The following FAM135B variants were observed in gnomAD, a reference collection of about 807,000 sequenced individuals.
FAM135B encodes the protein protein FAM135B.
FAM135B carries 43 observed loss-of-function variants against 127.7 expected under a neutral mutation model. The ratio of observed to expected loss-of-function variants is 0.34; its 90% CI spans 0.26 to 0.43. The LOEUF is 0.43. FAM135B is among the 20% of genes least tolerant of loss of function. The probability of loss-of-function intolerance (pLI) is 1.00; values close to 1 mark genes in which losing one functional copy is unlikely to be tolerated. For missense variants in FAM135B, 1,558 were observed against 1,725.6 expected, an observed-to-expected ratio of 0.90 and a Z score of 1.72; for synonymous variants, 670 against 665.1, an observed-to-expected ratio of 1.01 and a Z score of -0.11.
chr8:138,248,264 AC>A (rs1821435381), intron 6 of FAM135B, among the ~76,000 whole-genome samples: 1 of 152,214 alleles, frequency 6.6e-6, no homozygotes, highest in African/African-American at 2.4e-5. Flanking sequence ...TTCCTACCCT[AC>A]ACTGGGTTCC....
At chr8:138,421,285 C>T (rs562741540) in intron 1 of FAM135B, among the ~76,000 whole-genome samples, 4 of 152,190 alleles carry the variant, frequency 2.6e-5, no homozygotes, top group African/African-American at 9.6e-5. Flanking sequence ...TGCATTCCAG[C>T]CAGGGCAACA....
intron 2 of FAM135B, among the ~76,000 whole-genome samples, chr8:138,332,086 TAC>T (rs1828223989): frequency 1.3e-5 from 2 of 152,194 alleles, no homozygotes; most frequent in Non-Finnish European, 2.9e-5. Flanking sequence ...GGTTTGGGTT[TAC>T]ACCTGGATCA....
intron 2 of FAM135B, among the ~76,000 whole-genome samples, chr8:138,336,194 G>T (rs1828569278): frequency 6.6e-6 from 1 of 151,970 alleles, no homozygotes; most frequent in African/African-American, 2.4e-5. Flanking sequence ...ACAATTAAAA[G>T]AACTAGAGAA....
chr8:138,262,629 G>A (rs906252459), intron 4 of FAM135B, among the ~76,000 whole-genome samples: 5 of 152,004 alleles, frequency 3.3e-5, no homozygotes, highest in East Asian at 1.9e-4. Context: ...GGCTGGGCGC[G>A]GTGGCTCACA....
At chr8:138,406,632 C>A (rs1007789861) in intron 1 of FAM135B, among the ~76,000 whole-genome samples, 18 of 151,972 alleles carry the variant, frequency 1.2e-4, no homozygotes, top group African/African-American at 4.4e-4. Context: ...TGTAATCCAG[C>A]ATATAAACAG....
intron 1 of FAM135B, among the ~76,000 whole-genome samples, chr8:138,369,796 A>G (rs1392796221): frequency 2.6e-5 from 4 of 152,140 alleles, no homozygotes; most frequent in Non-Finnish European, 2.9e-5. Context: ...AAACATCAAC[A>G]GCTGCATTGT....
At chr8:138,134,905 T>A (rs1816505666) in intron 19 of FAM135B, among the ~76,000 whole-genome samples, 1 of 152,148 alleles carries the variant, frequency 6.6e-6, no homozygotes. Flanking sequence ...ATACACTCCC[T>A]TTTCCTTAAA....
At chr8:138,378,822 C>T (rs1055041461) in intron 1 of FAM135B, among the ~76,000 whole-genome samples, 2 of 152,096 alleles carry the variant, frequency 1.3e-5, no homozygotes, top group Non-Finnish European at 2.9e-5. Context: ...CTATGTCCCC[C>T]TTAGCTTAGG....
chr8:138,374,697 T>C (rs1161218254), intron 1 of FAM135B, among the ~76,000 whole-genome samples: 9 of 152,114 alleles, frequency 5.9e-5, no homozygotes, highest in Non-Finnish European at 1.2e-4. Flanking sequence ...AACAGTGATG[T>C]TGGTTATGGC....
chr8:138,237,350 G>T lies in FAM135B; in HGVS notation c.669+5592C>A, dbSNP rs149985039. ...TAATTTTTGTATTTTTAGTAGAGAC[G>T]GGGTTTCTCCATGTTGGCCAGGCTG... On this transcript the variant is annotated intron_variant, in intron 7 of 19. Transcript: ENST00000395297. 1.3e-3 allele frequency among the ~76,000 whole-genome samples: 192 copies of T among 151,990 alleles called. 5 individuals are homozygous for T. The East Asian group carries it at 0.035, about 28-fold the overall frequency.
chr8:138,191,471 A>G (rs1816117773), intron 9 of FAM135B, among the ~76,000 whole-genome samples: 2 of 152,098 alleles, frequency 1.3e-5, no homozygotes, highest in South Asian at 2.1e-4. Context: ...CTGTCCATCC[A>G]TTCATTCTAG....
intron 2 of FAM135B, among the ~76,000 whole-genome samples, chr8:138,362,447 T>C (rs1429335317): frequency 6.6e-6 from 1 of 152,120 alleles, no homozygotes; most frequent in Non-Finnish European, 1.5e-5. Flanking sequence ...TTATGAGACT[T>C]TGGTCTGAAT....
At chr8:138,139,125 A>G in intron 17 of FAM135B, 29 bp from the exon 18 acceptor site, 1 of 1,472,478 alleles carries the variant, frequency 6.8e-7, no homozygotes, top group Non-Finnish European at 9.5e-7. Flanking sequence ...AATAAAAATC[A>G]AAAACACAAA....
chr8:138,390,910 G>T (rs1483807351), intron 1 of FAM135B, among the ~76,000 whole-genome samples: 2 of 152,172 alleles, frequency 1.3e-5, no homozygotes, highest in East Asian at 3.9e-4. Flanking sequence ...ACACTTTGGA[G>T]AAGATAGGAA....
Position 138,496,940 on chromosome 8 carries a change from T to C in FAM135B, c.-289A>G, listed in dbSNP as rs1226780441. The C allele has an allele frequency of 6.6e-6, 1 of 151,856 alleles. No individual in the cohort carries two copies. Among genetic ancestry groups the C allele is most frequent in the Non-Finnish European group, 1.5e-5 (1 of 67,952 alleles). 9.4% of individuals were successfully genotyped at this position (151,856 alleles called of 1,614,324 possible). A position where few individuals can be genotyped will look rare whatever the true frequency, so the allele number is the denominator to read the frequency against. On this transcript the variant is annotated 5_prime_UTR_variant, in exon 1 of 20. Transcript: ENST00000395297. ...AACCCCGCAACTGCCCCCCTCTCCG[T>C]GCAACAGCTGCCCGGCCGCGGCCTC...
chr8:138,140,476 C>A (rs139614199), intron 17 of FAM135B, among the ~76,000 whole-genome samples: 573 of 152,276 alleles, frequency 3.8e-3, no homozygotes, highest in African/African-American at 0.013. Flanking sequence ...ACCATGTCAC[C>A]TCCTCAGTAA....
intron 1 of FAM135B, among the ~76,000 whole-genome samples, chr8:138,397,160 T>C (rs991831002): frequency 3.9e-5 from 6 of 152,196 alleles, no homozygotes; most frequent in African/African-American, 1.4e-4. Flanking sequence ...TCTGTGAGCC[T>C]ACGGAAGGCT....
rs772363343 is a variant in FAM135B at position 138,250,952 on chromosome 8, G to A, written c.431C>T (p.Pro144Leu). 35 of 1,613,760 alleles carry A rather than the reference G, an allele frequency of 2.2e-5. No individual in the cohort carries two copies. The highest frequency in any genetic ancestry group is 2.7e-5 in the Non-Finnish European group (32 of 1,179,998). The change falls in exon 6 of 20, where the codon CCC (proline) becomes CTC (leucine). Residue 144 changes from proline to leucine, a missense_variant. By Grantham distance (98) the Pro-to-Leu change is moderately conservative. Coordinates refer to ENST00000395297, the MANE Select transcript of FAM135B (RefSeq NM_015912.4). ...SSRTLGLHFH[P>L]RNGLHHQVPV... ...GACCTGGTGGTGCAGACCATTCCGGGGGTGGAAGTGCAGGCCAAGCGTTCG... is the reference window on the plus strand; with the variant it reads ...GACCTGGTGGTGCAGACCATTCCGGAGGTGGAAGTGCAGGCCAAGCGTTCG...
chr8:138,229,049 G>A (rs1819702832), intron 7 of FAM135B, among the ~76,000 whole-genome samples: 1 of 152,094 alleles, frequency 6.6e-6, no homozygotes, highest in African/African-American at 2.4e-5. Flanking sequence ...ACACGTGTGT[G>A]TGTGTGTGTG....
Sources: allele counts gnomAD v4.1 joint callset (sites outside exome capture counted in the v4.1 genomes callset), GRCh38; gene constraint gnomAD v4.1.1; transcripts MANE v1.5; gene names NCBI Gene and HGNC (gene_info 2026-07-23, HGNC 2026-07-21).